The following TAOK3 variants were observed in gnomAD, a reference collection of about 807,000 sequenced individuals.
TAOK3 encodes TAO kinase 3, also known as serine/threonine-protein kinase TAO3.
TAOK3 carries 40 observed loss-of-function variants against 120.4 expected under a neutral mutation model. The ratio of observed to expected loss-of-function variants is 0.33; its 90% CI spans 0.26 to 0.43. TAOK3 has a LOEUF of 0.43. TAOK3 is among the 20% of genes least tolerant of loss of function. The pLI, the probability that TAOK3 is intolerant of heterozygous loss-of-function variation, is 1.00. For synonymous variants in TAOK3, 355 were observed against 387.5 expected (o/e 0.92, Z 0.99); for missense variants, 821 against 1,112.1 (o/e 0.74, Z 3.72).
Position 118,152,359 on chromosome 12 carries a change from C to T in TAOK3, c.2403G>A (p.Gln801=), listed in dbSNP as rs764758935. ...TGAGCAGCTCCATTTCCTGCTGGAG[C>T]TGTAGCCTCAAGGCCTGGCATTCTG... ...QEAECQALRL[Q]LQQEMELLNA... Residue 801 remains glutamine, a synonymous_variant, in exon 20 of 21, where the codon CAG becomes CAA. Coordinates refer to ENST00000392533, the MANE Select transcript of TAOK3 (RefSeq NM_016281.4). 1 of 1,614,018 alleles carries T rather than the reference C, an allele frequency of 6.2e-7. No homozygotes were observed. The highest frequency in any genetic ancestry group is 8.5e-7 in the Non-Finnish European group (1 of 1,180,024).
In TAOK3 at chr12:118,244,925, T is replaced by A. The variant is rs755318777; in HGVS notation, c.161A>T (p.Lys54Met). ...GGTCTGCTTCCCACTATAGGACATC[T>A]TCTTAATTGCCACCACCTCACTGGT... The part of the protein sequence containing the change: ...AHTSEVVAIK[K>M]MSYSGKQTHE... Residue 54 changes from lysine to methionine, a missense_variant, in exon 4 of 21, where the codon AAG (lysine) becomes ATG (methionine). Lys to Met is a moderately conservative substitution (Grantham distance 95). This residue lies in a region of TAOK3 where 467 missense variants were observed against 540.0 expected (regional missense o/e 0.86). Coordinates refer to ENST00000392533, the MANE Select transcript of TAOK3 (RefSeq NM_016281.4). The A allele has an allele frequency of 1.2e-6, 2 of 1,610,064 alleles. No homozygotes were observed. The highest frequency in any genetic ancestry group is 2.2e-5 in the East Asian group (1 of 44,818).
Position 118,346,866 on chromosome 12 carries a change from A to T in TAOK3, c.-194+25782T>A, listed in dbSNP as rs959682278. Among the ~76,000 whole-genome samples the T allele has an allele frequency of 3.9e-5, 6 of 152,254 alleles. No individual in the cohort carries two copies. The South Asian group carries it at 6.2e-4, about 16-fold the overall frequency. On this transcript the variant is annotated intron_variant, in intron 1 of 20. Transcript: ENST00000392533. ...ACTATTCTATCTGTAGGTACTACTA[A>T]TAAGCAATAATAGTATAAATTTTAC...
chr12:118,172,804 T>A, intron 16 of TAOK3, 144 bp from the exon 17 acceptor site: 1 of 679,584 alleles, frequency 1.5e-6, no homozygotes, highest in Non-Finnish European at 2.5e-6. Flanking sequence ...CTTCCCCCAA[T>A]TTTTTTTATT....
intron 17 of TAOK3, among the ~76,000 whole-genome samples, chr12:118,169,891 T>A (rs148996242): frequency 0.013 from 1,911 of 151,856 alleles, 27 homozygotes; most frequent in Middle Eastern, 0.044. Flanking sequence ...CAGCCAATTT[T>A]TTTGAATTTT....
intron 1 of TAOK3, among the ~76,000 whole-genome samples, chr12:118,304,073 T>C (rs1419609828): frequency 6.6e-6 from 1 of 152,222 alleles, no homozygotes; most frequent in Non-Finnish European, 1.5e-5. Context: ...ACTGTTTCAG[T>C]GAAGTCATTA....
At chr12:118,258,280 A>G (rs781037213) in intron 2 of TAOK3, among the ~76,000 whole-genome samples, 8 of 152,160 alleles carry the variant, frequency 5.3e-5, no homozygotes, top group Non-Finnish European at 1.2e-4. Context: ...TCCGCCAACA[A>G]TGCACCTATA....
rs1402536725 is a variant in TAOK3, at chr12:118,161,583, T to C, written c.2139+205A>G. ...TGACAAATTGATAGATAATGTAGTA[T>C]AATAATAGTTTCCAAACCAGCTTGC... On this transcript the variant is annotated intron_variant, in intron 18 of 20. Coordinates refer to ENST00000392533, the MANE Select transcript of TAOK3 (RefSeq NM_016281.4). The surrounding 1 kb of genome is among the most constrained non-coding windows in gnomAD (Gnocchi z 4.5). 1.3e-5 allele frequency among the ~76,000 whole-genome samples: 2 copies of C among 152,218 alleles called. No homozygotes were observed. Among genetic ancestry groups the C allele is most frequent in the Non-Finnish European group, 2.9e-5 (2 of 68,038 alleles).
chr12:118,227,496 C>CA (rs1359699378), intron 9 of TAOK3, among the ~76,000 whole-genome samples: 1 of 151,734 alleles, frequency 6.6e-6, no homozygotes, highest in Non-Finnish European at 1.5e-5. Flanking sequence ...TTACAAAAAA[C>CA]AAAAAACAAT....
rs137887909 is a variant in TAOK3, at chr12:118,201,398, A to G, written c.885T>C (p.Asp295=). ...GTAGGTTATCTAGCTCACGAACTGC[A>G]TCTTTTGTCCTCTGTATGAGGTCAA... The part of the protein sequence containing the change: ...VLIDLIQRTK[D]AVRELDNLQY... The change falls in exon 12 of 21, where the codon GAT becomes GAC. Residue 295 remains aspartate (D), a synonymous_variant. Transcript: ENST00000392533. 1.4e-5 allele frequency: 23 copies of G among 1,614,022 alleles called. No individual in the cohort carries two copies. In the African/African-American group the frequency reaches 2.9e-4, roughly 21 times the overall value.
intron 5 of TAOK3, among the ~76,000 whole-genome samples, chr12:118,242,428 G>C (rs1372932915): frequency 6.6e-6 from 1 of 152,188 alleles, no homozygotes; most frequent in African/African-American, 2.4e-5. Flanking sequence ...AAAGGAGTTG[G>C]TACATGGTAA....
chr12:118,177,207 T>C lies in TAOK3; in HGVS notation c.1689A>G (p.Ile563Met), dbSNP rs781406863. 6.2e-7 allele frequency: 1 copy of C among 1,613,450 alleles called. No individual in the cohort carries two copies. Among genetic ancestry groups the C allele is most frequent in the Non-Finnish European group, 8.5e-7 (1 of 1,179,836 alleles). Reference sequence around the variant, plus strand: ...CAAACATTGGTATCCTTACCTCTTTTATTTTTTCCTTACAAATCTTATACT... The same window carrying C: ...CAAACATTGGTATCCTTACCTCTTTCATTTTTTCCTTACAAATCTTATACT... ...KKQYKICKEK[I>M]KEEMNEDHST... Residue 563 changes from isoleucine to methionine, a missense_variant, in exon 16 of 21, where the codon ATA becomes ATG. Physicochemically the swap from Ile to Met is conservative, Grantham distance 10. Around this residue, in one of 2 missense-constraint regions of TAOK3, gnomAD observed 354 missense variants for 572.1 expected, o/e 0.62. Coordinates refer to ENST00000392533, the MANE Select transcript of TAOK3 (RefSeq NM_016281.4).
intron 1 of TAOK3, among the ~76,000 whole-genome samples, chr12:118,299,326 C>T (rs763719056): frequency 9.9e-5 from 15 of 151,690 alleles, no homozygotes; most frequent in South Asian, 4.2e-4. Flanking sequence ...CTCATATAAC[C>T]TTTTGCCATT....
At chr12:118,270,780 T>G (rs1486984146) in intron 1 of TAOK3, among the ~76,000 whole-genome samples, 1 of 151,250 alleles carries the variant, frequency 6.6e-6, no homozygotes, top group Non-Finnish European at 1.5e-5. Flanking sequence ...GTTCACGCCA[T>G]TCTCCTGTCT....
In TAOK3 at chr12:118,239,899, G is replaced by C. The variant is rs540811797; in HGVS notation, c.295-627C>G. On this transcript the variant is annotated intron_variant, in intron 5 of 20. Transcript: ENST00000392533. ...TACTATTGATAGGCTAGGTGCAGCG[G>C]CTCACGCCTGTAATCCCAGCACTTT... 7.2e-5 allele frequency among the ~76,000 whole-genome samples: 11 copies of C among 152,256 alleles called. No individual in the cohort carries two copies. The South Asian group carries it at 2.1e-3, about 29-fold the overall frequency.
intron 1 of TAOK3, among the ~76,000 whole-genome samples, chr12:118,334,104 C>T (rs1000672673): frequency 7.4e-6 from 1 of 135,084 alleles, no homozygotes; most frequent in Non-Finnish European, 1.5e-5. Context: ...CATTGCACTC[C>T]AGCCTGAGCA....
intron 1 of TAOK3, among the ~76,000 whole-genome samples, chr12:118,282,811 T>A (rs1046221566): frequency 1.3e-5 from 2 of 152,184 alleles, no homozygotes; most frequent in African/African-American, 4.8e-5. Context: ...GAGTATCTGA[T>A]TGACCAAAGT....
At chr12:118,320,904 G>T (rs1280811621) in intron 1 of TAOK3, among the ~76,000 whole-genome samples, 1 of 152,042 alleles carries the variant, frequency 6.6e-6, no homozygotes, top group African/African-American at 2.4e-5. Context: ...AAAGGAATTG[G>T]TACAATTACA....
At chr12:118,339,692 A>G (rs1014791200) in intron 1 of TAOK3, among the ~76,000 whole-genome samples, 3 of 151,846 alleles carry the variant, frequency 2.0e-5, no homozygotes, top group East Asian at 1.9e-4. Context: ...CCTCCCGAGT[A>G]GCTGGGACTA....
At chr12:118,298,018 G>C (rs913302349) in intron 1 of TAOK3, among the ~76,000 whole-genome samples, 1 of 152,138 alleles carries the variant, frequency 6.6e-6, no homozygotes, top group African/African-American at 2.4e-5. Context: ...GACTTCAAGT[G>C]ATCCTTCTGT....
Sources: gnomAD v4.1 joint callset for allele counts (sites outside exome capture counted in the v4.1 genomes callset) on GRCh38, gnomAD v4.1.1 for gene constraint, gnomAD v4.1.1 regional missense constraint, Gnocchi (gnomAD v3.1) non-coding constraint, MANE v1.5 for transcripts, NCBI Gene and HGNC (gene_info 2026-07-23, HGNC 2026-07-21) for gene names.